The following SYTL2 variants were observed in gnomAD, a reference collection of about 807,000 sequenced individuals.
SYTL2 encodes the protein synaptotagmin like 2.
SYTL2 carries 165 observed loss-of-function variants against 198.7 expected under a neutral mutation model. The ratio of observed to expected loss-of-function variants is 0.83; its 90% CI spans 0.73 to 0.94. SYTL2 has a LOEUF of 0.94. Ranked by LOEUF, SYTL2 falls within the 40% of genes least tolerant of loss-of-function variation. SYTL2 has a pLI of 0.00. For missense variants in SYTL2, 2,835 were observed against 2,582.8 expected (o/e 1.10, Z -2.12); for synonymous variants, 966 against 917.7 (o/e 1.05, Z -0.95).
At chr11:85,736,881 A>G (rs1407913291) in intron 5 of SYTL2, among the ~76,000 whole-genome samples, 2 of 152,234 alleles carry the variant, frequency 1.3e-5, no homozygotes, top group African/African-American at 4.8e-5. Context: ...CACATTTTAC[A>G]GGTGAAAAAA....
At chr11:85,822,430 T>C in the SYTL2 span, among the ~76,000 whole-genome samples, 1 of 152,224 alleles carries the variant, frequency 6.6e-6, no homozygotes, top group African/African-American at 2.4e-5. Flanking sequence ...CTGTCTTGAA[T>C]CCCTGAGCCA....
At chr11:85,802,824 C>T (rs1432958809) in intron 1 of SYTL2, among the ~76,000 whole-genome samples, 1 of 152,178 alleles carries the variant, frequency 6.6e-6, no homozygotes, top group Non-Finnish European at 1.5e-5. Flanking sequence ...AGAGTCCTAT[C>T]CCAAAGAAAC....
intron 9 of SYTL2, among the ~76,000 whole-genome samples, chr11:85,720,619 C>T (rs1381973850): frequency 1.3e-5 from 2 of 152,174 alleles, no homozygotes; most frequent in East Asian, 1.9e-4. Flanking sequence ...AACTGGGATT[C>T]TTCAATTAAA....
chr11:85,696,529 C>T, intron 18 of SYTL2, 141 bp from the exon 19 acceptor site: 2 of 709,978 alleles, frequency 2.8e-6, no homozygotes, highest in African/African-American at 3.5e-5. Flanking sequence ...GTTTGGCAGA[C>T]AGTGGGGTAG....
chr11:85,726,255 C>T lies in SYTL2; in HGVS notation c.3103G>A (p.Glu1035Lys). 6.2e-7 allele frequency: 1 copy of T among 1,613,752 alleles called. No homozygotes were observed. The highest frequency in any genetic ancestry group is 8.5e-7 in the Non-Finnish European group (1 of 1,179,932). Residue 1035 changes from glutamate (E) to lysine (K), a missense_variant, in exon 8 of 20, where the codon GAA (glutamate) becomes AAA (lysine). Glu to Lys is a moderately conservative substitution (Grantham distance 56). Transcript: ENST00000359152. ...TTTGGGCTTAGAAGCACCTCTGCTT[C>T]ATGGGTATTTTTACCTGATAATTTA... is the stretch of plus-strand genomic sequence containing the variant. ...DIKLSGKNTH[E>K]AEVLLSPKKV...
chr11:85,838,088 G>A, the SYTL2 span, among the ~76,000 whole-genome samples: 19 of 152,150 alleles, frequency 1.2e-4, no homozygotes, highest in Non-Finnish European at 2.5e-4. Flanking sequence ...GTCTCCGGGG[G>A]AACAAAATCA....
At chr11:85,750,205 C>A (rs1264749677) in intron 2 of SYTL2, among the ~76,000 whole-genome samples, 2 of 152,142 alleles carry the variant, frequency 1.3e-5, no homozygotes, top group Non-Finnish European at 2.9e-5. Flanking sequence ...GTTTACCAAA[C>A]TCCTCTAAGC....
Position 85,694,985 on chromosome 11 carries a change from A to G in SYTL2, c.*210T>C, listed in dbSNP as rs77020006. 0.022 allele frequency: 8,848 copies of G among 404,074 alleles called. 133 individuals are homozygous for G. Among genetic ancestry groups the G allele is most frequent in the Admixed American group, 0.039 (930 of 23,658 alleles). The allele number at this position is 404,074 out of a possible 1,614,324, so 25.0% of individuals were successfully genotyped here. A position where few individuals can be genotyped will look rare whatever the true frequency, so the allele number is the denominator to read the frequency against. On this transcript the variant is annotated 3_prime_UTR_variant, in exon 20 of 20. Coordinates refer to ENST00000359152, the MANE Select transcript of SYTL2 (RefSeq NM_206927.4). Reference sequence around the variant, plus strand: ...AGCTTGTTCAAATATCTTATTTAATATTAGAGTCACAAATTACACATTTTG... The same window carrying G: ...AGCTTGTTCAAATATCTTATTTAATGTTAGAGTCACAAATTACACATTTTG...
At chr11:85,844,055 G>T in the SYTL2 span, among the ~76,000 whole-genome samples, 1 of 152,158 alleles carries the variant, frequency 6.6e-6, no homozygotes, top group Non-Finnish European at 1.5e-5. Flanking sequence ...TTCAATTTCA[G>T]GGTCAAAGAA....
chr11:85,805,976 G>A (rs1264448179), intron 1 of SYTL2, among the ~76,000 whole-genome samples: 2 of 152,188 alleles, frequency 1.3e-5, no homozygotes, highest in Non-Finnish European at 2.9e-5. Context: ...ATCAATACAA[G>A]GGATAACACA....
chr11:85,827,534 T>C, the SYTL2 span, among the ~76,000 whole-genome samples: 1 of 152,220 alleles, frequency 6.6e-6, no homozygotes, highest in Admixed American at 6.5e-5. Context: ...TCCATGCTTC[T>C]TTGTCTCCCC....
In SYTL2 at chr11:85,725,637, A is replaced by G. The variant is rs775734280; in HGVS notation, c.3721T>C (p.Ser1241Pro). ...KLAPVITGTN[S>P]KLEEGRFFGK... ...AAAAATCTCCCCTCTTCCAGCTTAG[A>G]GTTGGTTCCAGTGATAACAGGCGCC... The change falls in exon 8 of 20, where the codon TCT becomes CCT. Residue 1241 changes from serine (S) to proline (P), a missense_variant. This residue lies in a region of SYTL2 where 2,645 missense variants were observed against 2,381.7 expected (regional missense o/e 1.11). Transcript: ENST00000359152. 25 of 1,613,966 alleles carry G rather than the reference A, an allele frequency of 1.5e-5. No homozygotes were observed. The highest frequency in any genetic ancestry group is 2.1e-5 in the Non-Finnish European group (25 of 1,180,034).
the SYTL2 span, among the ~76,000 whole-genome samples, chr11:85,818,916 G>A: frequency 6.6e-6 from 1 of 151,918 alleles, no homozygotes; most frequent in African/African-American, 2.4e-5. Flanking sequence ...TTTTCTTCTG[G>A]ACCCTACTAA....
intron 1 of SYTL2, among the ~76,000 whole-genome samples, chr11:85,809,089 T>A (rs1388460939): frequency 2.0e-5 from 3 of 152,238 alleles, no homozygotes; most frequent in Admixed American, 1.3e-4. Flanking sequence ...TCCCCTAGGC[T>A]GCCTCACATT....
In SYTL2 at chr11:85,745,706, G is replaced by T; in HGVS notation, c.320C>A (p.Ala107Asp). ...GCCAGCCAGCTCTGGAGGAAGGAAAGCATCTTTGTTGACATTATTCACCCA... is the reference window on the plus strand; with the variant it reads ...GCCAGCCAGCTCTGGAGGAAGGAAATCATCTTTGTTGACATTATTCACCCA... ...ESWVNNVNKD[A>D]FLPPELAGVV... Residue 107 changes from alanine to aspartate, a missense_variant, in exon 4 of 20, where the codon GCT becomes GAT. Physicochemically the swap from Ala to Asp is moderately radical, Grantham distance 126. Transcript: ENST00000359152. The T allele has an allele frequency of 6.2e-7, 1 of 1,613,838 alleles. No homozygotes were observed. Among genetic ancestry groups the T allele is most frequent in the Non-Finnish European group, 8.5e-7 (1 of 1,179,772 alleles).
In SYTL2 at chr11:85,757,750, T is replaced by G. The variant is rs578111232; in HGVS notation, c.-25A>C. 6.2e-7 allele frequency: 1 copy of G among 1,607,872 alleles called. No homozygotes were observed. Among genetic ancestry groups the G allele is most frequent in the Non-Finnish European group, 8.5e-7 (1 of 1,179,650 alleles). ...TTTTGAAAAGTGCATGCAAAAATAA[T>G]AGCAACAAATGTGGCTCAAAATTCT... On this transcript the variant is annotated 5_prime_UTR_variant, in exon 2 of 20. Transcript: ENST00000359152.
chr11:85,748,165 T>G (rs1333618504), intron 3 of SYTL2, 107 bp downstream of exon 3: 4 of 1,268,434 alleles, frequency 3.2e-6, no homozygotes, highest in Admixed American at 2.0e-5. Flanking sequence ...ATGAAAAGTG[T>G]ACATCCAAAT....
chr11:85,816,774 C>T, the SYTL2 span, among the ~76,000 whole-genome samples: 82 of 151,972 alleles, frequency 5.4e-4, no homozygotes, highest in Non-Finnish European at 1.0e-3. Flanking sequence ...AATAGCTGGA[C>T]GTGGTGGCAC....
intron 1 of SYTL2, among the ~76,000 whole-genome samples, chr11:85,758,911 C>T (rs1255309544): frequency 6.6e-6 from 1 of 152,180 alleles, no homozygotes; most frequent in East Asian, 1.9e-4. Flanking sequence ...GCACTTTTAA[C>T]AAGTGCAGTG....
Sources: gnomAD v4.1 joint callset for allele counts (sites outside exome capture counted in the v4.1 genomes callset) on GRCh38, gnomAD v4.1.1 for gene constraint, gnomAD v4.1.1 regional missense constraint, MANE v1.5 for transcripts, NCBI Gene and HGNC (gene_info 2026-07-23, HGNC 2026-07-21) for gene names.